The following MECR variants were observed in gnomAD, a reference collection of about 807,000 sequenced individuals.
MECR encodes enoyl-[acyl-carrier-protein] reductase, mitochondrial.
A neutral mutation model predicts 49.1 loss-of-function variants in MECR; 37 were observed. The ratio of observed to expected loss-of-function variants is 0.75; its 90% CI spans 0.58 to 0.99. MECR has a LOEUF of 0.99. Among genes scored for constraint, MECR ranks in the 50% least tolerant of loss-of-function variants. MECR has a pLI of 0.00. For missense variants in MECR, 470 were observed against 479.6 expected (o/e 0.98, Z 0.19); for synonymous variants, 198 against 191.1 (o/e 1.04, Z -0.30).
At chr1:29,203,270 A>G in intron 4 of MECR, 37 bp from the exon 5 acceptor site, 1 of 1,494,184 alleles carries the variant, frequency 6.7e-7, no homozygotes, top group Non-Finnish European at 9.1e-7. Flanking sequence ...CAAGCCCTGT[A>G]TAGATCTGCA....
intron 9 of MECR, 125 bp downstream of exon 9, chr1:29,195,816 T>G: frequency 1.0e-6 from 1 of 960,476 alleles, no homozygotes. Flanking sequence ...GGCTATTCTC[T>G]TTGATCCTTC....
chr1:29,179,045 T>TA, the MECR span, among the ~76,000 whole-genome samples: 2 of 152,172 alleles, frequency 1.3e-5, no homozygotes, highest in Non-Finnish European at 2.9e-5. Flanking sequence ...AACAGTTCCT[T>TA]AAAAAAACCA....
At chr1:29,179,026 G>GT in the MECR span, among the ~76,000 whole-genome samples, 1 of 152,054 alleles carries the variant, frequency 6.6e-6, no homozygotes, top group Admixed American at 6.6e-5. Context: ...CAGCATAACT[G>GT]TAAGAATGAA....
At chr1:29,224,637 A>G (rs1681600209) in intron 1 of MECR, 1 of 151,930 alleles carries the variant, frequency 6.6e-6, no homozygotes, top group Non-Finnish European at 1.5e-5. Flanking sequence ...GGTCTACAGA[A>G]AGGGACTGTG....
intron 4 of MECR, among the ~76,000 whole-genome samples, chr1:29,203,449 G>A (rs1675827667): frequency 1.3e-5 from 2 of 151,488 alleles, no homozygotes; most frequent in Admixed American, 6.6e-5. Context: ...CCCAGGACTT[G>A]GCAACTCAGC....
intron 9 of MECR, 43 bp from the exon 10 acceptor site, chr1:29,194,222 G>A (rs758024979): frequency 1.3e-6 from 2 of 1,561,856 alleles, no homozygotes; most frequent in Non-Finnish European, 1.7e-6. Context: ...ACAGCAGCTG[G>A]GGCTTGGTGA....
intron 9 of MECR, among the ~76,000 whole-genome samples, chr1:29,194,395 G>A (rs551214949): frequency 1.6e-4 from 25 of 152,268 alleles, no homozygotes; most frequent in African/African-American, 5.5e-4. Flanking sequence ...ACATAGGAGC[G>A]GCTCTAGGGG....
At chr1:29,182,636 C>A in the MECR span, among the ~76,000 whole-genome samples, 1 of 152,096 alleles carries the variant, frequency 6.6e-6, no homozygotes, top group Admixed American at 6.5e-5. Context: ...CTCCGCCTCC[C>A]GGGTTCAAGC....
the MECR span, chr1:29,181,960 G>A: frequency 5.0e-6 from 2 of 397,712 alleles, no homozygotes; most frequent in East Asian, 4.3e-5. Flanking sequence ...GGTAACCGGA[G>A]AGAGCGCGCG....
rs1172963299 is a variant in MECR, at chr1:29,200,553, C to T, written c.793G>A (p.Gly265Ser). 1.2e-6 allele frequency: 2 copies of T among 1,613,804 alleles called. No individual in the cohort carries two copies. Among genetic ancestry groups the T allele is most frequent in the Admixed American group, 1.7e-5 (1 of 59,994 alleles). Reference protein sequence around the residue: ...PQPRLALNCVGGKSSTELLRQ... With the variant: ...PQPRLALNCVSGKSSTELLRQ... ...AGCAGCTCTGTGGAGCTTTTCCCACCAACACAGTTGAGAGCAAGCCGTGGC... is the reference window on the plus strand; with the variant it reads ...AGCAGCTCTGTGGAGCTTTTCCCACTAACACAGTTGAGAGCAAGCCGTGGC... Residue 265 changes from glycine (G) to serine (S), a missense_variant, in exon 7 of 10, where the codon GGT becomes AGT. By Grantham distance (56) the Gly-to-Ser change is moderately conservative. Transcript: ENST00000263702.
intron 1 of MECR, among the ~76,000 whole-genome samples, chr1:29,220,500 T>C (rs1294996312): frequency 5.3e-5 from 8 of 152,254 alleles, no homozygotes; most frequent in African/African-American, 1.9e-4. Context: ...TTAGGCTGTT[T>C]AGGAAAATAC....
chr1:29,209,540 T>C (rs1232992745), intron 3 of MECR, among the ~76,000 whole-genome samples: 1 of 152,110 alleles, frequency 6.6e-6, no homozygotes, highest in Admixed American at 6.5e-5. Context: ...TATGAGATGA[T>C]GGCTGCCTAG....
the MECR span, among the ~76,000 whole-genome samples, chr1:29,179,038 A>G: frequency 1.3e-5 from 2 of 152,176 alleles, no homozygotes; most frequent in African/African-American, 4.8e-5. Context: ...AAGAATGAAC[A>G]GTTCCTTAAA....
intron 1 of MECR, among the ~76,000 whole-genome samples, chr1:29,218,211 T>C (rs1679938231): frequency 1.3e-5 from 2 of 152,202 alleles, no homozygotes; most frequent in South Asian, 4.1e-4. Flanking sequence ...CAAGTGGCAA[T>C]GTGCATGTGT....
At chr1:29,199,008 A>G (rs1440527041) in intron 7 of MECR, among the ~76,000 whole-genome samples, 1 of 152,188 alleles carries the variant, frequency 6.6e-6, no homozygotes, top group Non-Finnish European at 1.5e-5. Flanking sequence ...CGCTGCACAC[A>G]GTCTGGTGCA....
At chr1:29,215,102 C>T (rs535063978) in intron 3 of MECR, among the ~76,000 whole-genome samples, 2 of 152,302 alleles carry the variant, frequency 1.3e-5, no homozygotes, top group East Asian at 1.9e-4. Flanking sequence ...TAGCCTAGAA[C>T]TCCTGGGCTC....
chr1:29,207,515 G>A (rs890193243), intron 3 of MECR, among the ~76,000 whole-genome samples: 2 of 151,614 alleles, frequency 1.3e-5, no homozygotes, highest in African/African-American at 4.9e-5. Context: ...CAAGGTGGGA[G>A]GACTGCTTGA....
chr1:29,173,069 T>A, the MECR span: 3 of 152,134 alleles, frequency 2.0e-5, no homozygotes, highest in South Asian at 6.2e-4. Context: ...CACTTTATGC[T>A]TTCATAATAT....
At chr1:29,171,286 G>C in the MECR span, 31 of 151,574 alleles carry the variant, frequency 2.0e-4, no homozygotes, top group African/African-American at 7.5e-4. Context: ...AGCCTCTACA[G>C]AGACTAAAGG....
Sources: gnomAD v4.1 joint callset for allele counts (sites outside exome capture counted in the v4.1 genomes callset) on GRCh38, gnomAD v4.1.1 for gene constraint, MANE v1.5 for transcripts, NCBI Gene and HGNC (gene_info 2026-07-23, HGNC 2026-07-21) for gene names.